RORB: variants seen among roughly 807,000 people sequenced by gnomAD.
RORB encodes the protein nuclear receptor ROR-beta.
Under a neutral mutation model 59.1 loss-of-function variants are expected in RORB, and 6 were observed. The ratio of observed to expected loss-of-function variants is 0.10; its 90% CI spans 0.06 to 0.20. The LOEUF is 0.20. RORB is among the 10% of genes least tolerant of loss of function. RORB has a pLI of 1.00. For synonymous variants in RORB, 215 were observed against 204.5 expected, an observed-to-expected ratio of 1.05 and a Z score of -0.44; for missense variants, 320 against 560.5, an observed-to-expected ratio of 0.57 and a Z score of 4.33.
chr9:74,599,168 C>A (rs550545272), intron 1 of RORB, among the ~76,000 whole-genome samples: 16 of 152,112 alleles, frequency 1.1e-4, no homozygotes, highest in Non-Finnish European at 2.2e-4. Flanking sequence ...GGCTTTGTAT[C>A]CTTTGACTAA....
At chr9:74,638,294 T>G (rs1823738253) in intron 3 of RORB, among the ~76,000 whole-genome samples, 1 of 152,216 alleles carries the variant, frequency 6.6e-6, no homozygotes, top group Admixed American at 6.5e-5. Flanking sequence ...TTTAGTTATA[T>G]CCAAAACTTC....
chr9:74,497,964 G>C lies in RORB; in HGVS notation c.-13G>C. On this transcript the variant is annotated 5_prime_UTR_variant, in exon 1 of 10. Transcript: ENST00000376896. The stretch of plus-strand genomic sequence containing the variant: ...AGCTTCATGACTACGCGGAGCGGGA[G>C]AGCGGCCACACCATGCGAGGTAAGC... 1.9e-6 allele frequency: 3 copies of C among 1,612,116 alleles called. No homozygotes were observed. The highest frequency in any genetic ancestry group is 4.5e-5 in the East Asian group (2 of 44,806).
At chr9:74,580,173 GA>G (rs1399603574) in intron 1 of RORB, among the ~76,000 whole-genome samples, 1 of 152,090 alleles carries the variant, frequency 6.6e-6, no homozygotes, top group Non-Finnish European at 1.5e-5. Context: ...AATAAGTGGT[GA>G]CGACCGTATT....
intron 1 of RORB, among the ~76,000 whole-genome samples, chr9:74,519,236 A>G (rs1020151002): frequency 1.3e-5 from 2 of 152,026 alleles, no homozygotes; most frequent in Non-Finnish European, 2.9e-5. Flanking sequence ...TAAATATCCT[A>G]CCTACTGCAC....
chr9:74,663,306 ATG>A (rs1487466303), intron 6 of RORB, among the ~76,000 whole-genome samples: 1 of 152,178 alleles, frequency 6.6e-6, no homozygotes, highest in Non-Finnish European at 1.5e-5. Flanking sequence ...TAACATACAT[ATG>A]TGTTTATGTT....
intron 9 of RORB, among the ~76,000 whole-genome samples, chr9:74,680,466 T>G (rs913223618): frequency 2.0e-5 from 3 of 152,156 alleles, no homozygotes; most frequent in African/African-American, 7.2e-5. Context: ...TCAGTCTGGT[T>G]TCCTATTCCA....
chr9:74,549,626 AAGAAAG>A lies in RORB; in HGVS notation c.7+51644_7+51649del, dbSNP rs1301825216. The stretch of plus-strand genomic sequence containing the variant: ...GAAGGAAGAAAGGAAGGAAGGAAGG[AAGAAAG>A]GAAAGAAAGAAAGAAAGAGAGAAGA... On this transcript the variant is annotated intron_variant, in intron 1 of 9. Coordinates refer to ENST00000376896, the MANE Select transcript of RORB (RefSeq NM_006914.4). 1.1e-3 allele frequency among the ~76,000 whole-genome samples: 123 copies of A among 112,016 alleles called. 1 individual carries two copies. Among genetic ancestry groups the A allele is most frequent in the African/African-American group, 3.8e-3 (116 of 30,704 alleles). 73.5% of individuals were successfully genotyped at this position (112,016 alleles called of 152,430 possible).
intron 1 of RORB, among the ~76,000 whole-genome samples, chr9:74,591,085 G>C (rs757108911): frequency 6.6e-6 from 1 of 152,182 alleles, no homozygotes; most frequent in African/African-American, 2.4e-5. Flanking sequence ...GTGAGCCACC[G>C]TGTCCAGCCA....
intron 3 of RORB, among the ~76,000 whole-genome samples, chr9:74,641,932 A>G (rs928162372): frequency 1.3e-5 from 2 of 152,114 alleles, no homozygotes; most frequent in African/African-American, 4.8e-5. Context: ...ATAAAAAATA[A>G]AAAGAAATTT....
intron 1 of RORB, among the ~76,000 whole-genome samples, chr9:74,595,501 T>C (rs1822956626): frequency 6.6e-6 from 1 of 152,226 alleles, no homozygotes; most frequent in African/African-American, 2.4e-5. Flanking sequence ...TAAGAAACCA[T>C]TACTTTCCCA....
In RORB at chr9:74,571,874, C is replaced by G. The variant is rs558881599; in HGVS notation, c.8-58408C>G. On this transcript the variant is annotated intron_variant, in intron 1 of 9. Transcript: ENST00000376896. ...AATGCTTTCTGAGCCATCTTCCTCA[C>G]ACAAAGAAGCGGTGATAATTCCTTC... 4.5e-4 allele frequency among the ~76,000 whole-genome samples: 69 copies of G among 152,262 alleles called. 1 individual carries two copies. The highest frequency in any genetic ancestry group is 3.9e-3 in the Admixed American group (60 of 15,276).
At chr9:74,542,130 A>C (rs1318755429) in intron 1 of RORB, among the ~76,000 whole-genome samples, 1 of 152,216 alleles carries the variant, frequency 6.6e-6, no homozygotes, top group Non-Finnish European at 1.5e-5. Flanking sequence ...AAAGTTCTAC[A>C]AAATATAAAT....
chr9:74,602,676 C>G (rs1049881641), intron 1 of RORB, among the ~76,000 whole-genome samples: 3 of 152,166 alleles, frequency 2.0e-5, no homozygotes, highest in Admixed American at 6.5e-5. Flanking sequence ...CCTTTCTCCC[C>G]CAAAAGAAAT....
chr9:74,573,803 G>T (rs1822589309), intron 1 of RORB, among the ~76,000 whole-genome samples: 1 of 152,070 alleles, frequency 6.6e-6, no homozygotes, highest in South Asian at 2.1e-4. Context: ...AAGGGAGACG[G>T]AATTTCTGTC....
At chr9:74,658,697 GT>G (rs1183384563) in intron 4 of RORB, among the ~76,000 whole-genome samples, 11 of 148,384 alleles carry the variant, frequency 7.4e-5, no homozygotes, top group Non-Finnish European at 1.4e-4. Flanking sequence ...AAGCAAATAT[GT>G]TTTTTTAGAT....
chr9:74,610,932 A>G (rs1283498656), intron 1 of RORB, among the ~76,000 whole-genome samples: 2 of 152,184 alleles, frequency 1.3e-5, no homozygotes, highest in Non-Finnish European at 2.9e-5. Context: ...TGGTCTGGGG[A>G]CTACACTTTT....
chr9:74,580,455 G>A (rs1339537937), intron 1 of RORB, among the ~76,000 whole-genome samples: 2 of 152,070 alleles, frequency 1.3e-5, no homozygotes, highest in East Asian at 3.9e-4. Flanking sequence ...ATCTTTCCAT[G>A]AGATACTGCC....
rs530388176 is a variant in RORB at position 74,504,447 on chromosome 9, C to T, written c.7+6464C>T. Among the ~76,000 whole-genome samples the T allele has an allele frequency of 4.9e-4, 75 of 152,046 alleles. No individual in the cohort carries two copies. The South Asian group carries it at 0.015, about 30-fold the overall frequency. ...AAAGCCAAAACGAACATCTTGCCTTCGCCAAAATATAAGGCTAAAATCTTA... is the reference window on the plus strand; with the variant it reads ...AAAGCCAAAACGAACATCTTGCCTTTGCCAAAATATAAGGCTAAAATCTTA... On this transcript the variant is annotated intron_variant, in intron 1 of 9. Coordinates refer to ENST00000376896, the MANE Select transcript of RORB (RefSeq NM_006914.4).
intron 1 of RORB, among the ~76,000 whole-genome samples, chr9:74,579,601 A>G (rs771750084): frequency 4.8e-4 from 73 of 152,160 alleles, no homozygotes; most frequent in Non-Finnish European, 8.7e-4. Flanking sequence ...TAACGAGCTT[A>G]TTTGCCTAAG....
Sources: allele counts gnomAD v4.1 joint callset (sites outside exome capture counted in the v4.1 genomes callset), GRCh38; gene constraint gnomAD v4.1.1; transcripts MANE v1.5; gene names NCBI Gene and HGNC (gene_info 2026-07-23, HGNC 2026-07-21).